The following KCNC2 variants were observed in gnomAD, a reference collection of about 807,000 sequenced individuals.
KCNC2 encodes potassium voltage-gated channel subfamily C member 2.
A neutral mutation model predicts 44.5 loss-of-function variants in KCNC2; 21 were observed. The ratio of observed to expected loss-of-function variants is 0.47; its 90% confidence interval spans 0.33 to 0.68. KCNC2 has a LOEUF of 0.68. Ranked by LOEUF, KCNC2 falls within the 30% of genes least tolerant of loss-of-function variation. The pLI, the probability that KCNC2 is intolerant of heterozygous loss-of-function variation, is 0.01. For synonymous variants in KCNC2, 391 were observed against 339.1 expected, an observed-to-expected ratio of 1.15 and a Z score of -1.68; for missense variants, 589 against 826.2, an observed-to-expected ratio of 0.71 and a Z score of 3.52.
intron 2 of KCNC2, among the ~76,000 whole-genome samples, chr12:75,184,200 G>A (rs192915888): frequency 6.6e-5 from 10 of 152,200 alleles, no homozygotes; most frequent in South Asian, 2.1e-4. Context: ...TATAAGACTC[G>A]TGTAGTCTCT....
chr12:75,165,455 T>A (rs1593007013), intron 2 of KCNC2, among the ~76,000 whole-genome samples: 1 of 151,558 alleles, frequency 6.6e-6, no homozygotes, highest in African/African-American at 2.4e-5. Context: ...GAGTTATGAA[T>A]GATAACTAAT....
At chr12:75,136,885 T>C (rs1278485606) in intron 2 of KCNC2, among the ~76,000 whole-genome samples, 1 of 152,108 alleles carries the variant, frequency 6.6e-6, no homozygotes, top group Non-Finnish European at 1.5e-5. Flanking sequence ...TCCCTCCCGT[T>C]CTTTAAAATG....
At chr12:75,208,888 A>G (rs2031926607) in intron 1 of KCNC2, among the ~76,000 whole-genome samples, 1 of 152,184 alleles carries the variant, frequency 6.6e-6, no homozygotes, top group Non-Finnish European at 1.5e-5. Context: ...ATCTTTAAGA[A>G]TAGAAGTGAT....
intron 2 of KCNC2, among the ~76,000 whole-genome samples, chr12:75,094,646 A>G (rs981300157): frequency 5.9e-5 from 9 of 151,766 alleles, no homozygotes; most frequent in African/African-American, 2.2e-4. Flanking sequence ...AAGAATTTTG[A>G]CCTTTCTAAC....
chr12:75,086,681 A>AT (rs1555208212), intron 2 of KCNC2, among the ~76,000 whole-genome samples: 63 of 54,188 alleles, frequency 1.2e-3, no homozygotes, highest in East Asian at 8.8e-3. Flanking sequence ...AAAAAAAAAA[A>AT]ATATATATAT....
chr12:75,115,436 T>G (rs1165302207), intron 2 of KCNC2, among the ~76,000 whole-genome samples: 1 of 152,216 alleles, frequency 6.6e-6, no homozygotes, highest in Non-Finnish European at 1.5e-5. Context: ...AAATCTGTAC[T>G]CTGTTTTGAA....
At chr12:75,110,059 T>TATATG (rs1887106004) in intron 2 of KCNC2, among the ~76,000 whole-genome samples, 1 of 152,046 alleles carries the variant, frequency 6.6e-6, no homozygotes. Context: ...CAGAAGGTTT[T>TATATG]ATATGCAAAT....
At chr12:75,046,112 A>G (rs534151242) in intron 4 of KCNC2, among the ~76,000 whole-genome samples, 15 of 151,914 alleles carry the variant, frequency 9.9e-5, no homozygotes, top group African/African-American at 3.6e-4. Flanking sequence ...CTTAGTAGGA[A>G]AAAACATATA....
intron 3 of KCNC2, among the ~76,000 whole-genome samples, chr12:75,049,282 C>A (rs972992066): frequency 3.9e-5 from 6 of 151,968 alleles, no homozygotes; most frequent in Non-Finnish European, 7.4e-5. Flanking sequence ...ATGATGCCTC[C>A]TTTTTTGTTA....
chr12:75,084,067 G>A (rs1884742198), intron 2 of KCNC2, among the ~76,000 whole-genome samples: 1 of 151,884 alleles, frequency 6.6e-6, no homozygotes, highest in Middle Eastern at 3.2e-3. Flanking sequence ...TCCTCTTGAA[G>A]TATTCTAGAA....
chr12:75,117,404 C>G (rs997734862), intron 2 of KCNC2, among the ~76,000 whole-genome samples: 3 of 152,136 alleles, frequency 2.0e-5, no homozygotes, highest in Non-Finnish European at 2.9e-5. Context: ...ACTGTCCCCC[C>G]AAAAAGACTG....
chr12:75,137,288 A>G (rs530797812), intron 2 of KCNC2, among the ~76,000 whole-genome samples: 2 of 152,280 alleles, frequency 1.3e-5, no homozygotes, highest in Non-Finnish European at 2.9e-5. Flanking sequence ...ACTCTGCTCT[A>G]AGAAATCTCA....
Position 75,042,373 on chromosome 12 carries a change from A to G in KCNC2, c.*732T>C. ...CAGTAATGACAACCTCTTTGCAGTT[A>G]TCTGTGTGCAAACAACCAGAGACAT... On this transcript the variant is annotated 3_prime_UTR_variant, in exon 5 of 5. Coordinates refer to ENST00000549446, the MANE Select transcript of KCNC2 (RefSeq NM_139137.4). The G allele has an allele frequency of 6.2e-7, 1 of 1,611,204 alleles. No homozygotes were observed. Among genetic ancestry groups the G allele is most frequent in the Non-Finnish European group, 8.5e-7 (1 of 1,178,154 alleles).
At chr12:75,069,088 A>G (rs1453500652) in intron 2 of KCNC2, among the ~76,000 whole-genome samples, 1 of 150,242 alleles carries the variant, frequency 6.7e-6, no homozygotes, top group Non-Finnish European at 1.5e-5. Context: ...TAAAACAGAA[A>G]CATGGCACAG....
At chr12:75,174,880 T>C (rs190273912) in intron 2 of KCNC2, among the ~76,000 whole-genome samples, 3 of 152,062 alleles carry the variant, frequency 2.0e-5, no homozygotes, top group Non-Finnish European at 2.9e-5. Flanking sequence ...CATCTATTTA[T>C]CTGACATGGT....
At chr12:75,094,533 T>G (rs1885759019) in intron 2 of KCNC2, among the ~76,000 whole-genome samples, 1 of 151,774 alleles carries the variant, frequency 6.6e-6, no homozygotes, top group Admixed American at 6.6e-5. Context: ...ATCAAATTTA[T>G]ATTCAGTAAT....
At chr12:75,056,184 T>A (rs2136966858) in intron 2 of KCNC2, among the ~76,000 whole-genome samples, 1 of 152,172 alleles carries the variant, frequency 6.6e-6, no homozygotes, top group East Asian at 1.9e-4. Flanking sequence ...GAATAAATTA[T>A]AAAATTCTGT....
At chr12:75,182,401 T>C (rs1892647249) in intron 2 of KCNC2, among the ~76,000 whole-genome samples, 1 of 151,020 alleles carries the variant, frequency 6.6e-6, no homozygotes, top group Non-Finnish European at 1.5e-5. Context: ...CGGGTGCCTG[T>C]AGTCCCAGCT....
chr12:75,079,068 G>A (rs954692226), intron 2 of KCNC2, among the ~76,000 whole-genome samples: 1 of 152,194 alleles, frequency 6.6e-6, no homozygotes, highest in African/African-American at 2.4e-5. Flanking sequence ...AATTTAGGGG[G>A]TCAGAAGAAG....
Sources: gnomAD v4.1 joint callset for allele counts (sites outside exome capture counted in the v4.1 genomes callset) on GRCh38, gnomAD v4.1.1 for gene constraint, MANE v1.5 for transcripts, NCBI Gene and HGNC (gene_info 2026-07-23, HGNC 2026-07-21) for gene names.